The following GPR158 variants were observed in gnomAD, a reference collection of about 807,000 sequenced individuals.
GPR158 encodes the protein metabotropic glycine receptor.
In GPR158, 30 loss-of-function variants were observed where a neutral mutation model predicts 78.2. That is an observed-to-expected ratio of 0.38 (90% confidence interval 0.29 to 0.52). The LOEUF (loss-of-function observed/expected upper bound fraction) is 0.52. GPR158 is among the 20% of genes least tolerant of loss of function. GPR158 has a pLI of 0.83. For missense variants in GPR158, 1,463 were observed against 1,523.5 expected (o/e 0.96, Z 0.66); for synonymous variants, 581 against 591.1 (o/e 0.98, Z 0.25).
chr10:25,372,997 T>G (rs1834021791), intron 2 of GPR158, among the ~76,000 whole-genome samples: 1 of 151,906 alleles, frequency 6.6e-6, no homozygotes, highest in Non-Finnish European at 1.5e-5. Flanking sequence ...AACACATGCA[T>G]GCCTATGTTC....
intron 2 of GPR158, among the ~76,000 whole-genome samples, chr10:25,238,663 T>G (rs1280161847): frequency 6.6e-6 from 1 of 152,184 alleles, no homozygotes; most frequent in Non-Finnish European, 1.5e-5. Flanking sequence ...GTTCTGCTTT[T>G]AAAATGGTAT....
At chr10:25,509,408 G>T (rs1836054925) in intron 5 of GPR158, among the ~76,000 whole-genome samples, 1 of 152,132 alleles carries the variant, frequency 6.6e-6, no homozygotes, top group South Asian at 2.1e-4. Context: ...GAATCTGTGG[G>T]TCAATAATTC....
intron 3 of GPR158, 60 bp from the exon 4 acceptor site, chr10:25,412,190 A>T (rs1213205121): frequency 8.8e-7 from 1 of 1,131,388 alleles, no homozygotes; most frequent in Non-Finnish European, 1.4e-6. Flanking sequence ...TTGACTCTAT[A>T]CTCAATCTTA....
chr10:25,246,573 T>C (rs1853692556), intron 2 of GPR158, among the ~76,000 whole-genome samples: 1 of 152,182 alleles, frequency 6.6e-6, no homozygotes, highest in South Asian at 2.1e-4. Flanking sequence ...ATCGGGGGAA[T>C]AGAATGATGA....
intron 5 of GPR158, among the ~76,000 whole-genome samples, chr10:25,476,239 G>A (rs1245473458): frequency 3.3e-5 from 5 of 152,040 alleles, no homozygotes; most frequent in Non-Finnish European, 5.9e-5. Flanking sequence ...AAAGAAAAGA[G>A]AATTTTAAGA....
intron 2 of GPR158, among the ~76,000 whole-genome samples, chr10:25,236,734 T>G (rs1180474805): frequency 6.6e-6 from 1 of 152,084 alleles, no homozygotes; most frequent in African/African-American, 2.4e-5. Flanking sequence ...ATTCTCCACT[T>G]CAGGCAGAAG....
chr10:25,320,376 C>T (rs974198373), intron 2 of GPR158, among the ~76,000 whole-genome samples: 1 of 152,184 alleles, frequency 6.6e-6, no homozygotes, highest in African/African-American at 2.4e-5. Context: ...CAGGCACATA[C>T]AGTCTGTGAT....
At chr10:25,567,948 A>G (rs1284235333) in intron 6 of GPR158, among the ~76,000 whole-genome samples, 1 of 152,128 alleles carries the variant, frequency 6.6e-6, no homozygotes, top group Non-Finnish European at 1.5e-5. Context: ...AAAATAGAAG[A>G]ATTTGAAAGA....
chr10:25,274,381 T>C (rs965269136), intron 2 of GPR158, among the ~76,000 whole-genome samples: 1 of 152,208 alleles, frequency 6.6e-6, no homozygotes, highest in African/African-American at 2.4e-5. Flanking sequence ...ATAGAAATAA[T>C]ATAAAAAGAA....
Position 25,597,842 on chromosome 10 carries a change from A to C in GPR158, c.2216A>C (p.His739Pro), listed in dbSNP as rs929073778. Reference protein sequence around the residue: ...KRKKMITNNPHLQKKRCSKKG... With the variant: ...KRKKMITNNPPLQKKRCSKKG... Reference sequence around the variant, plus strand: ...AAGAAGATGATCACAAACAACCCCCACCTCCAGAAAAAGCGGTGCTCGAAG... The same window carrying C: ...AAGAAGATGATCACAAACAACCCCCCCCTCCAGAAAAAGCGGTGCTCGAAG... Residue 739 changes from histidine (H) to proline (P), a missense_variant, in exon 11 of 11, where the codon CAC becomes CCC. By Grantham distance (77) the His-to-Pro change is moderately conservative (BLOSUM62 -2). Coordinates refer to ENST00000376351, the MANE Select transcript of GPR158 (RefSeq NM_020752.3). The C allele has an allele frequency of 6.5e-7, 1 of 1,541,516 alleles. No individual in the cohort carries two copies. Among genetic ancestry groups the C allele is most frequent in the Non-Finnish European group, 8.7e-7 (1 of 1,148,142 alleles).
intron 2 of GPR158, among the ~76,000 whole-genome samples, chr10:25,278,250 G>T (rs996437770): frequency 2.0e-5 from 3 of 152,076 alleles, no homozygotes; most frequent in Admixed American, 6.6e-5. Flanking sequence ...AATATGCCAT[G>T]CAGATTTAAA....
chr10:25,429,073 G>A (rs994142574), intron 4 of GPR158, among the ~76,000 whole-genome samples: 1 of 151,996 alleles, frequency 6.6e-6, no homozygotes, highest in African/African-American at 2.4e-5. Flanking sequence ...TTAACATTCA[G>A]GGTTTCTACA....
intron 2 of GPR158, among the ~76,000 whole-genome samples, chr10:25,318,796 C>T (rs1854902191): frequency 6.6e-6 from 1 of 152,074 alleles, no homozygotes; most frequent in Non-Finnish European, 1.5e-5. Flanking sequence ...GCTTTAAATC[C>T]ATCAGTTGCT....
chr10:25,429,705 T>C (rs1157946234), intron 4 of GPR158, among the ~76,000 whole-genome samples: 1 of 149,614 alleles, frequency 6.7e-6, no homozygotes, highest in African/African-American at 2.5e-5. Context: ...GCTGGTTCAA[T>C]ATATGCAAAT....
At chr10:25,296,485 A>G (rs1007199576) in intron 2 of GPR158, among the ~76,000 whole-genome samples, 1 of 151,374 alleles carries the variant, frequency 6.6e-6, no homozygotes, top group African/African-American at 2.4e-5. Context: ...CTTTCTATCT[A>G]TATCTAATCT....
At chr10:25,286,956 T>A (rs533305173) in intron 2 of GPR158, among the ~76,000 whole-genome samples, 1 of 152,258 alleles carries the variant, frequency 6.6e-6, no homozygotes, top group South Asian at 2.1e-4. Context: ...CTCTCCCCTT[T>A]TTTGCTTAAT....
intron 1 of GPR158, among the ~76,000 whole-genome samples, chr10:25,202,843 A>G (rs1022903345): frequency 3.9e-5 from 6 of 152,172 alleles, no homozygotes; most frequent in Non-Finnish European, 7.4e-5. Flanking sequence ...GTCTTCCACA[A>G]TGGTTGAACT....
chr10:25,355,032 A>C (rs1855529493), intron 2 of GPR158, among the ~76,000 whole-genome samples: 1 of 151,980 alleles, frequency 6.6e-6, no homozygotes, highest in Non-Finnish European at 1.5e-5. Flanking sequence ...GCCTTGGGGT[A>C]GTCTTATTTG....
intron 2 of GPR158, among the ~76,000 whole-genome samples, chr10:25,323,249 A>G (rs1265414748): frequency 1.3e-5 from 2 of 152,184 alleles, no homozygotes; most frequent in African/African-American, 4.8e-5. Flanking sequence ...TTGTTGTTAC[A>G]TTTATAGAAC....
Sources: allele counts gnomAD v4.1 joint callset (sites outside exome capture counted in the v4.1 genomes callset), GRCh38; gene constraint gnomAD v4.1.1; transcripts MANE v1.5; gene names NCBI Gene and HGNC (gene_info 2026-07-23, HGNC 2026-07-21).